PLXNB2: variants seen among roughly 807,000 people sequenced by gnomAD.
PLXNB2 encodes plexin-B2.
In PLXNB2, 85 loss-of-function variants were observed where a neutral mutation model predicts 202.6. That is an observed-to-expected ratio of 0.42 (90% CI 0.35 to 0.50). PLXNB2 has a LOEUF of 0.50. Ranked by LOEUF, PLXNB2 falls within the 20% of genes least tolerant of loss-of-function variation. PLXNB2 has a pLI of 0.02. For synonymous variants in PLXNB2, 1,239 were observed against 1,137.6 expected, an observed-to-expected ratio of 1.09 and a Z score of -1.79; for missense variants, 2,063 against 2,586.2, an observed-to-expected ratio of 0.80 and a Z score of 4.39.
intron 1 of PLXNB2, among the ~76,000 whole-genome samples, chr22:50,296,003 G>A (rs974999668): frequency 3.9e-5 from 6 of 152,112 alleles, no homozygotes; most frequent in Non-Finnish European, 7.3e-5. Flanking sequence ...TCAGGAGGCC[G>A]AGGCAAGATA....
At chr22:50,293,361 G>A (rs1347368038) in intron 2 of PLXNB2, among the ~76,000 whole-genome samples, 5 of 152,132 alleles carry the variant, frequency 3.3e-5, no homozygotes, top group Admixed American at 2.0e-4. Flanking sequence ...CCCAACCCCC[G>A]CCGCGCCCCT....
Position 50,282,227 on chromosome 22 carries a change from G to C in PLXNB2, c.3074C>G (p.Ser1025Cys). Residue 1025 changes from serine (S) to cysteine (C), a missense_variant, in exon 19 of 37, where the codon TCC (serine) becomes TGC (cysteine). Ser to Cys is a moderately radical substitution (Grantham distance 112, BLOSUM62 -1). This residue lies in a region of PLXNB2 where 1,303 missense variants were observed against 1,476.8 expected (regional missense o/e 0.88). Coordinates refer to ENST00000359337, the MANE Select transcript of PLXNB2 (RefSeq NM_012401.4). Reference sequence around the variant, plus strand: ...TTCAGCCTCCCGCGGCGGCTGCCAGGACTGCAGGGGCTCCGCGATGACCAC... The same window carrying C: ...TTCAGCCTCCCGCGGCGGCTGCCAGCACTGCAGGGGCTCCGCGATGACCAC... ...AMVVIAEPLQ[S>C]WQPPREAESL... The C allele has an allele frequency of 1.2e-6, 2 of 1,612,222 alleles. No individual in the cohort carries two copies. Among genetic ancestry groups the C allele is most frequent in the Non-Finnish European group, 1.7e-6 (2 of 1,179,816 alleles).
intron 1 of PLXNB2, chr22:50,300,131 G>A (rs1352113813): frequency 2.7e-6 from 1 of 376,036 alleles, no homozygotes; most frequent in Non-Finnish European, 3.7e-6. Flanking sequence ...CGCACCTGGA[G>A]GGAGCACGTG....
At chr22:50,306,795 G>A (rs542578644) in intron 1 of PLXNB2, among the ~76,000 whole-genome samples, 14 of 152,318 alleles carry the variant, frequency 9.2e-5, no homozygotes, top group African/African-American at 3.4e-4. Flanking sequence ...CCTTTCCCAG[G>A]GAGCTTCGGG....
In PLXNB2 at chr22:50,275,305, GCCCTGGGGGCCACA is replaced by G. The variant is rs1569153077; in HGVS notation, c.*385_*398del. On this transcript the variant is annotated 3_prime_UTR_variant, in exon 37 of 37. Transcript: ENST00000359337. ...AGACAGACATAGGATCTGGGAACTT[GCCCTGGGGGCCACA>G]GGCCCTCAGATCCCCCAGGGGCCCA... is the stretch of plus-strand genomic sequence containing the variant. 2.3e-6 allele frequency: 1 copy of G among 436,042 alleles called. No homozygotes were observed. The highest frequency in any genetic ancestry group is 1.6e-5 in the South Asian group (1 of 63,574). 27.0% of individuals were successfully genotyped at this position (436,042 alleles called of 1,614,324 possible). A position where few individuals can be genotyped will look rare whatever the true frequency, so the allele number is the denominator to read the frequency against.
At chr22:50,299,379 G>A (rs1200612617) in intron 1 of PLXNB2, among the ~76,000 whole-genome samples, 1 of 152,086 alleles carries the variant, frequency 6.6e-6, no homozygotes, top group African/African-American at 2.4e-5. Context: ...CACAGGCCAA[G>A]GCGCGTCTGA....
chr22:50,303,366 C>A (rs2067777580), intron 1 of PLXNB2, among the ~76,000 whole-genome samples: 1 of 152,244 alleles, frequency 6.6e-6, no homozygotes, highest in South Asian at 2.1e-4. Context: ...GTCCTCAAAG[C>A]TGCCTGGAAG....
At chr22:50,299,922 CGCCGGCACCGCCAGACTCCCCGGA>C (rs2067566028) in intron 1 of PLXNB2, among the ~76,000 whole-genome samples, 1 of 152,170 alleles carries the variant, frequency 6.6e-6, no homozygotes, top group African/African-American at 2.4e-5. Flanking sequence ...CCTCCCCCGG[CGCCGGCACCGCCAGACTCCCCGGA>C]GGGCGCAGAA....
intron 2 of PLXNB2, among the ~76,000 whole-genome samples, chr22:50,292,410 C>T (rs528102748): frequency 1.1e-4 from 17 of 152,226 alleles, no homozygotes; most frequent in African/African-American, 4.1e-4. Flanking sequence ...TTTCCACATC[C>T]CTGTGTCTCT....
At position 50,289,471 on chromosome 22, in the gene PLXNB2, G is replaced by T; in HGVS notation, c.1068+46C>A. ...GGCTGGGACACGCAAACCCACGAAC[G>T]GACGCCTGCAGTCCGGGCCCTGCGA... is the stretch of plus-strand genomic sequence containing the variant. On this transcript the variant is annotated intron_variant, in intron 3 of 36. Transcript: ENST00000359337. The surrounding 1 kb of genome is among the most constrained non-coding windows in gnomAD (Gnocchi z 8.0). 4 of 1,529,564 alleles carry T rather than the reference G, an allele frequency of 2.6e-6. No individual in the cohort carries two copies. Among genetic ancestry groups the T allele is most frequent in the South Asian group, 1.2e-5 (1 of 82,566 alleles). 94.7% of individuals were successfully genotyped at this position (1,529,564 alleles called of 1,614,324 possible).
chr22:50,296,607 A>C (rs2067295520), intron 1 of PLXNB2, among the ~76,000 whole-genome samples: 1 of 151,180 alleles, frequency 6.6e-6, no homozygotes, highest in Non-Finnish European at 1.5e-5. Context: ...AAAAAAAAAA[A>C]AAAAAAGGAA....
At chr22:50,276,528 C>G (rs917223732) in intron 35 of PLXNB2, 101 bp downstream of exon 35, 9 of 1,046,386 alleles carry the variant, frequency 8.6e-6, no homozygotes, top group East Asian at 7.1e-5. Flanking sequence ...CTCTCTCCCC[C>G]TCAGCACCAC....
chr22:50,276,688 G>A lies in PLXNB2; in HGVS notation c.5278C>T (p.Arg1760Trp), dbSNP rs759338193. ...TGGTCGCTGACCTGCACCATCTGCC[G>A]GATCCCCTTGTAGTAACTGCAGGGG... Reference protein sequence around the residue: ...KMVEDYYKGIRQMVQVSDQDM... With the variant: ...KMVEDYYKGIWQMVQVSDQDM... The change falls in exon 35 of 37, where the codon CGG (arginine) becomes TGG (tryptophan). Residue 1760 changes from arginine to tryptophan, a missense_variant. Arg to Trp is a moderately radical substitution (Grantham distance 101, BLOSUM62 -3). Coordinates refer to ENST00000359337, the MANE Select transcript of PLXNB2 (RefSeq NM_012401.4). 6 of 1,613,710 alleles carry A rather than the reference G, an allele frequency of 3.7e-6. No homozygotes were observed. Among genetic ancestry groups the A allele is most frequent in the East Asian group, 2.2e-5 (1 of 44,876 alleles).
chr22:50,287,897 C>T, intron 6 of PLXNB2, 40 bp downstream of exon 6: 2 of 1,582,666 alleles, frequency 1.3e-6, no homozygotes, highest in South Asian at 2.3e-5. Flanking sequence ...TCCGGGATCC[C>T]AGAGGCAGGC....
Position 50,278,589 on chromosome 22 carries a change from C to T in PLXNB2, c.4647+7G>A, listed in dbSNP as rs373536988. 13 of 1,611,282 alleles carry T rather than the reference C, an allele frequency of 8.1e-6. No homozygotes were observed. Among genetic ancestry groups the T allele is most frequent in the African/African-American group, 5.3e-5 (4 of 74,848 alleles). ...CAGTTCTCGCCCGCCCCGGCCTACACGCTCACATTGTAGTGCATAAGGGTG... is the reference window on the plus strand; with the variant it reads ...CAGTTCTCGCCCGCCCCGGCCTACATGCTCACATTGTAGTGCATAAGGGTG... On this transcript the variant is annotated splice_region_variant and intron_variant, in intron 29 of 36. Coordinates refer to ENST00000359337, the MANE Select transcript of PLXNB2 (RefSeq NM_012401.4).
Position 50,275,480 on chromosome 22 carries a change from G to GGGAGCTGGGGCT in PLXNB2, c.*212_*223dup, listed in dbSNP as rs1569153423. ...ACCCGATGCTGGTTCTGCGGCCGGA[G>GGGAGCTGGGGCT]GGAGCTGGGGCTGGGGCTGGTGCTG... is the stretch of plus-strand genomic sequence containing the variant. On this transcript the variant is annotated 3_prime_UTR_variant, in exon 37 of 37. Coordinates refer to ENST00000359337, the MANE Select transcript of PLXNB2 (RefSeq NM_012401.4). 2 of 664,884 alleles carry GGGAGCTGGGGCT rather than the reference G, an allele frequency of 3.0e-6. No homozygotes were observed. Among genetic ancestry groups the GGGAGCTGGGGCT allele is most frequent in the Non-Finnish European group, 2.8e-6 (1 of 360,292 alleles). 41.2% of individuals were successfully genotyped at this position (664,884 alleles called of 1,614,324 possible). A position where few individuals can be genotyped will look rare whatever the true frequency, so the allele number is the denominator to read the frequency against.
chr22:50,292,055 T>C (rs1300019663), intron 2 of PLXNB2, among the ~76,000 whole-genome samples: 1 of 152,222 alleles, frequency 6.6e-6, no homozygotes, highest in Non-Finnish European at 1.5e-5. Flanking sequence ...TTTGAAAGTT[T>C]TGCCAGGCCC....
In PLXNB2 at chr22:50,282,243, C is replaced by T. The variant is rs201274338; in HGVS notation, c.3058G>A (p.Ala1020Thr). 86 of 1,612,244 alleles carry T rather than the reference C, an allele frequency of 5.3e-5. No homozygotes were observed. Among genetic ancestry groups the T allele is most frequent in the Non-Finnish European group, 7.0e-5 (82 of 1,179,846 alleles). Residue 1020 changes from alanine (A) to threonine (T), a missense_variant, in exon 19 of 37, where the codon GCG (alanine) becomes ACG (threonine). Ala to Thr is a moderately conservative substitution (Grantham distance 58). This residue lies in a region of PLXNB2 where 1,303 missense variants were observed against 1,476.8 expected (regional missense o/e 0.88). Coordinates refer to ENST00000359337, the MANE Select transcript of PLXNB2 (RefSeq NM_012401.4). ...GGCTGCCAGGACTGCAGGGGCTCCGCGATGACCACCATGGCAAACCTCTGG... is the reference window on the plus strand; with the variant it reads ...GGCTGCCAGGACTGCAGGGGCTCCGTGATGACCACCATGGCAAACCTCTGG... Reference protein sequence around the residue: ...LIQRFAMVVIAEPLQSWQPPR... With the variant: ...LIQRFAMVVITEPLQSWQPPR...
rs1159582667 is a variant in PLXNB2, at chr22:50,289,743, G to C, written c.842C>G (p.Ala281Gly). Residue 281 changes from alanine (A) to glycine (G), a missense_variant, in exon 3 of 37, where the codon GCC (alanine) becomes GGC (glycine). This residue lies in a region of PLXNB2 where 1,303 missense variants were observed against 1,476.8 expected (regional missense o/e 0.88). Coordinates refer to ENST00000359337, the MANE Select transcript of PLXNB2 (RefSeq NM_012401.4). This position sits in a 1 kb window ranked among gnomAD's most constrained non-coding sequence, Gnocchi z 8.0. ...AGAGCCAGGCGCAGCCACGGAGGCG[G>C]CCAGGCAGGTGCCAAAGGCAGCGGC... Reference protein sequence around the residue: ...IHAAAFGTCLAASVAAPGSGR... With the variant: ...IHAAAFGTCLGASVAAPGSGR... 6.2e-7 allele frequency: 1 copy of C among 1,612,516 alleles called. No individual in the cohort carries two copies. Among genetic ancestry groups the C allele is most frequent in the South Asian group, 1.1e-5 (1 of 91,074 alleles).
Sources: allele counts gnomAD v4.1 joint callset (sites outside exome capture counted in the v4.1 genomes callset), GRCh38; gene constraint gnomAD v4.1.1; regional missense constraint gnomAD v4.1.1; non-coding constraint Gnocchi (gnomAD v3.1); transcripts MANE v1.5; gene names NCBI Gene and HGNC (gene_info 2026-07-23, HGNC 2026-07-21).